SLC13A1: variants seen among roughly 807,000 people sequenced by gnomAD.
SLC13A1 encodes solute carrier family 13 member 1, also known as Na(+)/sulfate cotransporter.
In SLC13A1, 65 loss-of-function variants were observed where a neutral mutation model predicts 70.0. The observed-to-expected ratio is 0.93, with a 90% CI of 0.76 to 1.14. The LOEUF (loss-of-function observed/expected upper bound fraction) is 1.14. Among genes scored for constraint, SLC13A1 ranks in the 50% most tolerant of loss-of-function variants. SLC13A1 has a pLI of 0.00. For missense variants in SLC13A1, 726 were observed against 717.8 expected, an observed-to-expected ratio of 1.01 and a Z score of -0.13; for synonymous variants, 275 against 250.5, an observed-to-expected ratio of 1.10 and a Z score of -0.92.
chr7:123,126,192 C>T (rs1326352583), intron 10 of SLC13A1, among the ~76,000 whole-genome samples: 5 of 152,176 alleles, frequency 3.3e-5, no homozygotes, highest in Non-Finnish European at 1.5e-5. Context: ...GATATCACAC[C>T]TGCTTCTGTG....
chr7:123,183,188 C>T (rs895829574), intron 1 of SLC13A1, among the ~76,000 whole-genome samples: 3 of 152,124 alleles, frequency 2.0e-5, no homozygotes, highest in Non-Finnish European at 2.9e-5. Context: ...ATGAAGCAGT[C>T]ACAAGCTGAT....
At chr7:123,160,444 G>C (rs1026357779) in intron 6 of SLC13A1, among the ~76,000 whole-genome samples, 4 of 151,980 alleles carry the variant, frequency 2.6e-5, no homozygotes, top group African/African-American at 9.7e-5. Context: ...ACAATGCAGA[G>C]GAACCAAAAT....
intron 14 of SLC13A1, among the ~76,000 whole-genome samples, chr7:123,116,212 T>C (rs1793176384): frequency 6.6e-6 from 1 of 152,198 alleles, no homozygotes; most frequent in African/African-American, 2.4e-5. Flanking sequence ...ATTCTCATGG[T>C]TTTAGCTCTT....
intron 3 of SLC13A1, among the ~76,000 whole-genome samples, 160 bp from the exon 4 acceptor site, chr7:123,169,495 C>T (rs1795192311): frequency 6.6e-6 from 1 of 152,134 alleles, no homozygotes; most frequent in South Asian, 2.1e-4. Context: ...AATTGGAGTA[C>T]CGTGACAGCC....
At chr7:123,155,708 T>A (rs1794686527) in intron 6 of SLC13A1, among the ~76,000 whole-genome samples, 2 of 152,060 alleles carry the variant, frequency 1.3e-5, no homozygotes, top group Non-Finnish European at 2.9e-5. Flanking sequence ...TGACTTGGCC[T>A]TTTTTTGAGA....
At chr7:123,164,554 G>A (rs1042084813) in intron 6 of SLC13A1, among the ~76,000 whole-genome samples, 1 of 151,230 alleles carries the variant, frequency 6.6e-6, no homozygotes, top group Non-Finnish European at 1.5e-5. Flanking sequence ...GCAAAATTGT[G>A]CAGATTACCA....
chr7:123,139,299 G>A (rs1240003939), intron 7 of SLC13A1, among the ~76,000 whole-genome samples: 1 of 152,064 alleles, frequency 6.6e-6, no homozygotes, highest in Non-Finnish European at 1.5e-5. Flanking sequence ...CCAGTACCAT[G>A]CTGTCTTGAT....
chr7:123,173,692 C>G (rs796292685), intron 2 of SLC13A1, among the ~76,000 whole-genome samples: 1 of 152,072 alleles, frequency 6.6e-6, no homozygotes, highest in East Asian at 1.9e-4. Context: ...TGATGAGGAC[C>G]AGGAATCTGT....
chr7:123,192,940 G>A (rs1158288398), intron 1 of SLC13A1, among the ~76,000 whole-genome samples: 1 of 151,840 alleles, frequency 6.6e-6, no homozygotes, highest in Non-Finnish European at 1.5e-5. Flanking sequence ...TAGCCAAAAT[G>A]GATAGTAGAG....
chr7:123,136,215 A>C lies in SLC13A1; in HGVS notation c.813-1686T>G, dbSNP rs923940176. Among the ~76,000 whole-genome samples the C allele has an allele frequency of 8.5e-5, 13 of 152,324 alleles. 1 individual carries two copies. The East Asian group carries it at 2.1e-3, about 25-fold the overall frequency. On this transcript the variant is annotated intron_variant, in intron 7 of 14. Transcript: ENST00000194130. ...CTACCCACTGGAGAGAATCCTGCAA[A>C]ATGTATTTGACTGAAGATGGGCTTT...
chr7:123,178,033 C>CTCTCTCTCTCTCTCTCTCTCTCTATATA (rs761704605), intron 2 of SLC13A1, among the ~76,000 whole-genome samples: 2 of 149,956 alleles, frequency 1.3e-5, no homozygotes, highest in African/African-American at 4.9e-5. Context: ...CTCTCTCTCT[C>CTCTCTCTCTCTCTCTCTCTCTCTATATA]TATATATATA....
chr7:123,188,554 TTGTTTCTCTTC>T (rs1021447084), intron 1 of SLC13A1, among the ~76,000 whole-genome samples: 32 of 152,320 alleles, frequency 2.1e-4, no homozygotes, highest in African/African-American at 7.7e-4. Flanking sequence ...TTGAACATAA[TTGTTTCTCTTC>T]TGTAAATTAT....
chr7:123,173,099 CT>C (rs1283242836), intron 2 of SLC13A1, among the ~76,000 whole-genome samples: 1 of 151,930 alleles, frequency 6.6e-6, no homozygotes, highest in Non-Finnish European at 1.5e-5. Context: ...GTAAATGCCC[CT>C]CTAAAAAAAT....
intron 1 of SLC13A1, among the ~76,000 whole-genome samples, chr7:123,194,990 A>G (rs943472347): frequency 6.6e-6 from 1 of 152,138 alleles, no homozygotes; most frequent in African/African-American, 2.4e-5. Context: ...GTGTTTAGGT[A>G]CAACCTACTT....
At chr7:123,156,989 C>T (rs1316320656) in intron 6 of SLC13A1, among the ~76,000 whole-genome samples, 1 of 152,052 alleles carries the variant, frequency 6.6e-6, no homozygotes, top group Non-Finnish European at 1.5e-5. Context: ...TGGAGAAAAT[C>T]CCTTGGCTAA....
chr7:123,163,596 C>G (rs1794980885), intron 6 of SLC13A1, among the ~76,000 whole-genome samples: 5 of 152,006 alleles, frequency 3.3e-5, no homozygotes, highest in Admixed American at 2.6e-4. Context: ...TTTTGCAGTT[C>G]TATTAACAAG....
chr7:123,155,938 C>G (rs914719538), intron 6 of SLC13A1, among the ~76,000 whole-genome samples: 8 of 152,096 alleles, frequency 5.3e-5, no homozygotes, highest in Non-Finnish European at 7.4e-5. Flanking sequence ...GGATCTGGTT[C>G]TCCTTATCCC....
At chr7:123,190,355 A>G (rs934572871) in intron 1 of SLC13A1, 12 of 331,302 alleles carry the variant, frequency 3.6e-5, no homozygotes, top group African/African-American at 2.6e-4. Flanking sequence ...GGGGATTTCC[A>G]GGAGACAAGG....
rs374769901 is a variant in SLC13A1 at position 123,115,490 on chromosome 7, C to A, written c.*28G>T. On this transcript the variant is annotated 3_prime_UTR_variant, in exon 15 of 15. Coordinates refer to ENST00000194130, the MANE Select transcript of SLC13A1 (RefSeq NM_022444.4). ...ATCATTAATGTCTTCCAGAAATTAC[C>A]GCAAGATAGTCAGAAATTTTGTGCT... is the stretch of plus-strand genomic sequence containing the variant. The A allele has an allele frequency of 5.0e-6, 8 of 1,596,510 alleles. No individual in the cohort carries two copies. Among genetic ancestry groups the A allele is most frequent in the Non-Finnish European group, 6.8e-6 (8 of 1,168,152 alleles).
Sources: gnomAD v4.1 joint callset for allele counts (sites outside exome capture counted in the v4.1 genomes callset) on GRCh38, gnomAD v4.1.1 for gene constraint, MANE v1.5 for transcripts, NCBI Gene and HGNC (gene_info 2026-07-23, HGNC 2026-07-21) for gene names.